The following PTPRU variants were observed in gnomAD, a reference collection of about 807,000 sequenced individuals.
PTPRU encodes receptor-type tyrosine-protein phosphatase U.
A neutral mutation model predicts 166.3 loss-of-function variants in PTPRU; 69 were observed. The observed-to-expected ratio is 0.41, with a 90% confidence interval of 0.34 to 0.51. The LOEUF (loss-of-function observed/expected upper bound fraction) is 0.51. Among genes scored for constraint, PTPRU ranks in the 20% least tolerant of loss-of-function variants. The pLI is 0.09. For missense variants in PTPRU, 1,657 were observed against 2,013.7 expected, an observed-to-expected ratio of 0.82 and a Z score of 3.39; for synonymous variants, 793 against 814.0, an observed-to-expected ratio of 0.97 and a Z score of 0.44.
At position 29,271,942 on chromosome 1, in the gene PTPRU, G is replaced by A. The variant is rs2151949665; in HGVS notation, c.1145-3506G>A. The stretch of plus-strand genomic sequence containing the variant: ...AGGGAACAGAGAGCCACTCCCAGTA[G>A]TGCAAATAAAGCAGTGGTACCTCGG... On this transcript the variant is annotated intron_variant, in intron 7 of 29. Transcript: ENST00000373779. The surrounding 1 kb of genome is among the most constrained non-coding windows in gnomAD (Gnocchi z 4.4). Among the ~76,000 whole-genome samples the A allele has an allele frequency of 6.6e-6, 1 of 152,296 alleles. No homozygotes were observed. The highest frequency in any genetic ancestry group is 3.4e-3 in the Middle Eastern group (1 of 294).
At chr1:29,286,016 G>T (rs1053770878) in intron 14 of PTPRU, among the ~76,000 whole-genome samples, 13 of 152,248 alleles carry the variant, frequency 8.5e-5, no homozygotes, top group Non-Finnish European at 1.6e-4. Flanking sequence ...GCCAGGCTGG[G>T]CATACATGGA....
At chr1:29,303,663 C>T (rs1394375032) in intron 15 of PTPRU, among the ~76,000 whole-genome samples, 192 bp from the exon 16 acceptor site, 1 of 152,182 alleles carries the variant, frequency 6.6e-6, no homozygotes, top group African/African-American at 2.4e-5. Context: ...CAGGTGGAAC[C>T]GAGATTTGGA....
At chr1:29,274,053 C>T (rs1218187475) in intron 7 of PTPRU, among the ~76,000 whole-genome samples, 4 of 152,000 alleles carry the variant, frequency 2.6e-5, no homozygotes, top group East Asian at 1.9e-4. Context: ...TTTTTTGGGA[C>T]GGAGTCTCGC....
At chr1:29,307,117 G>A (rs1303298434) in intron 18 of PTPRU, 1 of 1,613,098 alleles carries the variant, frequency 6.2e-7, no homozygotes, top group Admixed American at 1.7e-5. Flanking sequence ...TTTCCTCACT[G>A]GAATCATTAA....
In PTPRU at chr1:29,255,324, C is replaced by T. The variant is rs2151943498; in HGVS notation, c.123C>T (p.Tyr41=). Residue 41 remains tyrosine, a synonymous_variant, in exon 2 of 30, where the codon TAC becomes TAT. Transcript: ENST00000373779. ...EASDPAVPCE[Y]SQAQYDDFQW... ...GTGACCCAGCAGTGCCCTGCGAGTA[C>T]AGCCAGGCCCAGTACGATGACTTCC... 1.2e-6 allele frequency: 2 copies of T among 1,614,164 alleles called. No individual in the cohort carries two copies. Among genetic ancestry groups the T allele is most frequent in the Non-Finnish European group, 8.5e-7 (1 of 1,180,018 alleles).
chr1:29,292,057 A>G (rs1318138336), intron 15 of PTPRU, 31 bp downstream of exon 15: 2 of 1,611,054 alleles, frequency 1.2e-6, no homozygotes, highest in Non-Finnish European at 8.5e-7. Context: ...CCCCTTCTTC[A>G]TGGCTCTGGG....
At chr1:29,241,500 G>A (rs1684052736) in intron 1 of PTPRU, among the ~76,000 whole-genome samples, 1 of 152,042 alleles carries the variant, frequency 6.6e-6, no homozygotes, top group African/African-American at 2.4e-5. Context: ...ATCTGTGTAT[G>A]AAACAACAGG....
chr1:29,264,181 A>G (rs1263721552), intron 7 of PTPRU, among the ~76,000 whole-genome samples: 1 of 152,110 alleles, frequency 6.6e-6, no homozygotes, highest in African/African-American at 2.4e-5. Flanking sequence ...CTCAAAAAAA[A>G]AAAAGGAGTA....
rs1364915545 is a variant in PTPRU at position 29,315,577 on chromosome 1, AG to A, written c.3363+71del. ...TGGAGTTTCTCGTGAAGGATCCTGG[AG>A]CCGGCAGAGCATGCCCAAAGGGTGT... On this transcript the variant is annotated intron_variant, in intron 23 of 29. Transcript: ENST00000373779. This position sits in a 1 kb window ranked among gnomAD's most constrained non-coding sequence, Gnocchi z 4.5. 1.3e-6 allele frequency: 2 copies of A among 1,595,758 alleles called. No individual in the cohort carries two copies. Among genetic ancestry groups the A allele is most frequent in the Non-Finnish European group, 1.7e-6 (2 of 1,167,516 alleles).
At chr1:29,319,622 T>C (rs1448629039) in intron 25 of PTPRU, among the ~76,000 whole-genome samples, 1 of 152,210 alleles carries the variant, frequency 6.6e-6, no homozygotes, top group African/African-American at 2.4e-5. Context: ...TCAGGAGCCT[T>C]CAGAGAGTCC....
At chr1:29,303,825 A>C in intron 15 of PTPRU, 30 bp from the exon 16 acceptor site, 1 of 1,576,044 alleles carries the variant, frequency 6.3e-7, no homozygotes, top group African/African-American at 1.3e-5. Flanking sequence ...CATGTGTGTC[A>C]AGAACCCTTT....
At chr1:29,303,778 A>C in intron 15 of PTPRU, 77 bp from the exon 16 acceptor site, 1 of 1,427,476 alleles carries the variant, frequency 7.0e-7, no homozygotes, top group African/African-American at 1.4e-5. Context: ...CCCCACCCCC[A>C]TAGACCCCAG....
rs1055197464 is a variant in PTPRU at position 29,238,385 on chromosome 1, C to T, written c.73+1668C>T. On this transcript the variant is annotated intron_variant, in intron 1 of 29. Coordinates refer to ENST00000373779, the MANE Select transcript of PTPRU (RefSeq NM_133178.4). The surrounding 1 kb of genome is among the most constrained non-coding windows in gnomAD (Gnocchi z 6.1). ...TCCCCCGCCCTCGCCACCGGCGGGGCTGCTCCGCGGGCTCCGGGTAGCCGG... is the reference window on the plus strand; with the variant it reads ...TCCCCCGCCCTCGCCACCGGCGGGGTTGCTCCGCGGGCTCCGGGTAGCCGG... Among the ~76,000 whole-genome samples, 17 of 152,092 alleles carry T rather than the reference C, an allele frequency of 1.1e-4. No homozygotes were observed. The highest frequency in any genetic ancestry group is 4.1e-4 in the African/African-American group (17 of 41,466).
At position 29,279,347 on chromosome 1, in the gene PTPRU, C is replaced by T; in HGVS notation, c.1564-109C>T. 1 of 1,286,218 alleles carries T rather than the reference C, an allele frequency of 7.8e-7. No individual in the cohort carries two copies. Among genetic ancestry groups the T allele is most frequent in the Admixed American group, 1.9e-5 (1 of 53,860 alleles). The allele number at this position is 1,286,218 out of a possible 1,614,324, so 79.7% of individuals were successfully genotyped here. ...CCTGGCTTGATGGCATCCATAGTCT[C>T]CTTTGCTTAGCCTTATCTCTCACTT... On this transcript the variant is annotated intron_variant, in intron 9 of 29. Coordinates refer to ENST00000373779, the MANE Select transcript of PTPRU (RefSeq NM_133178.4). This position sits in a 1 kb window ranked among gnomAD's most constrained non-coding sequence, Gnocchi z 5.2.
chr1:29,296,225 G>A (rs912777537), intron 15 of PTPRU, among the ~76,000 whole-genome samples: 3 of 152,182 alleles, frequency 2.0e-5, no homozygotes, highest in Admixed American at 6.5e-5. Context: ...TAACAGGAAT[G>A]TTTCTAACAT....
At chr1:29,259,413 G>A (rs2151945013) in intron 4 of PTPRU, 36 bp from the exon 5 acceptor site, 1 of 1,607,518 alleles carries the variant, frequency 6.2e-7, no homozygotes, top group Non-Finnish European at 8.5e-7. Context: ...TGCAGGGGGT[G>A]CAGGCCCAGC....
chr1:29,308,845 G>A (rs1330380360), intron 18 of PTPRU, among the ~76,000 whole-genome samples: 1 of 151,716 alleles, frequency 6.6e-6, no homozygotes, highest in East Asian at 2.0e-4. Flanking sequence ...AACATAGTGA[G>A]ACCCCATTTC....
chr1:29,285,924 C>T (rs919637119), intron 14 of PTPRU, among the ~76,000 whole-genome samples: 1 of 152,230 alleles, frequency 6.6e-6, no homozygotes, highest in Non-Finnish European at 1.5e-5. Context: ...CGCAGGGCTG[C>T]CCAAGGCTAC....
chr1:29,258,228 G>T (rs1258876940), intron 2 of PTPRU, among the ~76,000 whole-genome samples: 2 of 152,246 alleles, frequency 1.3e-5, no homozygotes, highest in Non-Finnish European at 2.9e-5. Context: ...GCCTCTCAAA[G>T]TGTTGGGATT....
Sources: allele counts gnomAD v4.1 joint callset (sites outside exome capture counted in the v4.1 genomes callset), GRCh38; gene constraint gnomAD v4.1.1; non-coding constraint Gnocchi (gnomAD v3.1); transcripts MANE v1.5; gene names NCBI Gene and HGNC (gene_info 2026-07-23, HGNC 2026-07-21).